The following NUDT6 variants were observed in gnomAD, a reference collection of about 807,000 sequenced individuals.
NUDT6 encodes nudix hydrolase 6, also known as FAD diphosphatase NUDT6.
NUDT6 carries 24 observed loss-of-function variants against 36.8 expected under a neutral mutation model. That is an observed-to-expected ratio of 0.65 (90% CI 0.47 to 0.92). NUDT6 has a LOEUF of 0.92. NUDT6 is among the 40% of genes least tolerant of loss of function. The pLI is 0.00. For missense variants in NUDT6, 388 were observed against 392.8 expected (o/e 0.99, Z 0.10); for synonymous variants, 163 against 157.0 (o/e 1.04, Z -0.29).
At chr4:122,902,247 T>C (rs76572136) in intron 3 of NUDT6, among the ~76,000 whole-genome samples, 1,792 of 148,624 alleles carry the variant, frequency 0.012, 39 homozygotes, top group African/African-American at 0.04. Context: ...ATGGCAAGCA[T>C]AAAGAAGTTA....
Position 122,916,979 on chromosome 4 carries a change from A to T in NUDT6, c.442+522T>A, listed in dbSNP as rs189629953. ...TGGGGAAGATTCACGGCCTGGTGGG[A>T]CAGAGCAGGATGGTGAGAGATTTCA... On this transcript the variant is annotated intron_variant, in intron 2 of 4. Transcript: ENST00000304430. Among the ~76,000 whole-genome samples the T allele has an allele frequency of 1.3e-3, 192 of 152,328 alleles. 1 individual carries two copies. The highest frequency in any genetic ancestry group is 4.5e-3 in the African/African-American group (186 of 41,566).
chr4:122,908,785 C>T (rs1453665632), intron 3 of NUDT6, among the ~76,000 whole-genome samples: 2 of 152,136 alleles, frequency 1.3e-5, no homozygotes, highest in Non-Finnish European at 2.9e-5. Context: ...CTGACTTAAT[C>T]TTACTCAAAA....
chr4:122,903,676 G>C (rs1727566341), intron 3 of NUDT6, among the ~76,000 whole-genome samples: 1 of 152,152 alleles, frequency 6.6e-6, no homozygotes, highest in Admixed American at 6.5e-5. Context: ...TCCACCATTA[G>C]ACTGCAAGGC....
chr4:122,916,892 A>T (rs1297892949), intron 2 of NUDT6, among the ~76,000 whole-genome samples: 1 of 152,200 alleles, frequency 6.6e-6, no homozygotes, highest in African/African-American at 2.4e-5. Context: ...TGATCTGATA[A>T]CAGGGAAGGC....
At chr4:122,910,215 G>T (rs1396998562) in intron 3 of NUDT6, among the ~76,000 whole-genome samples, 1 of 152,110 alleles carries the variant, frequency 6.6e-6, no homozygotes, top group Non-Finnish European at 1.5e-5. Flanking sequence ...TTCAAGTACA[G>T]ATTGCTCTGG....
At chr4:122,906,246 T>C (rs1277244152) in intron 3 of NUDT6, among the ~76,000 whole-genome samples, 1 of 152,166 alleles carries the variant, frequency 6.6e-6, no homozygotes, top group Non-Finnish European at 1.5e-5. Context: ...ATGGAGGTCT[T>C]GGGGTATTCA....
chr4:122,917,440 A>G (rs1727866690), intron 2 of NUDT6, 61 bp downstream of exon 2: 3 of 1,377,980 alleles, frequency 2.2e-6, no homozygotes, highest in Non-Finnish European at 3.1e-6. Flanking sequence ...AGCTGTAACA[A>G]GCAAGAAATT....
chr4:122,901,512 A>G (rs569179165), intron 3 of NUDT6, among the ~76,000 whole-genome samples: 1 of 152,258 alleles, frequency 6.6e-6, no homozygotes, highest in South Asian at 2.1e-4. Flanking sequence ...GGGTGGTCTC[A>G]TTTATCACTC....
intron 1 of NUDT6, 24 bp from the exon 2 acceptor site, chr4:122,917,728 A>C: frequency 6.2e-7 from 1 of 1,608,056 alleles, no homozygotes; most frequent in Non-Finnish European, 8.5e-7. Context: ...AAAAAAGTCT[A>C]AATAATTTCC....
chr4:122,895,453 A>G (rs1338051183), intron 4 of NUDT6: 2 of 152,240 alleles, frequency 1.3e-5, no homozygotes, highest in African/African-American at 4.8e-5. Flanking sequence ...GAAATAAAAT[A>G]TAATGGGAAA....
At chr4:122,903,427 T>C (rs1727562740) in intron 3 of NUDT6, among the ~76,000 whole-genome samples, 1 of 152,170 alleles carries the variant, frequency 6.6e-6, no homozygotes, top group East Asian at 1.9e-4. Context: ...AGTTTAGTGG[T>C]TCTCAAACTT....
rs768092231 is a variant in NUDT6, at chr4:122,922,425, G to T, written c.148C>A (p.Leu50Met). The change falls in exon 1 of 5, where the codon CTG becomes ATG. Residue 50 changes from leucine (L) to methionine (M), a missense_variant. By Grantham distance (15) the Leu-to-Met change is conservative. Coordinates refer to ENST00000304430, the MANE Select transcript of NUDT6 (RefSeq NM_007083.5). ...PVGACDLQGE[L>M]DRFGGISVRL... Reference sequence around the variant, plus strand: ...ACCGAGATGCCCCCGAATCTGTCCAGCTCGCCCTGCAGATCGCACGCTCCA... The same window carrying T: ...ACCGAGATGCCCCCGAATCTGTCCATCTCGCCCTGCAGATCGCACGCTCCA... 2 of 1,611,696 alleles carry T rather than the reference G, an allele frequency of 1.2e-6. No individual in the cohort carries two copies. Among genetic ancestry groups the T allele is most frequent in the South Asian group, 1.1e-5 (1 of 91,072 alleles).
chr4:122,921,976 T>A (rs936885909), intron 1 of NUDT6: 1 of 238,816 alleles, frequency 4.2e-6, no homozygotes, highest in Non-Finnish European at 8.0e-6. Flanking sequence ...GTGCACTTTA[T>A]GTGCATTATC....
intron 4 of NUDT6, chr4:122,897,298 G>C (rs1052417278): frequency 3.9e-6 from 1 of 253,518 alleles, no homozygotes; most frequent in African/African-American, 2.3e-5. Context: ...AACAATATTA[G>C]TCGTATCCAA....
Position 122,922,377 on chromosome 4 carries a change from G to T in NUDT6, c.196C>A (p.Leu66Met), listed in dbSNP as rs1728068581. 1 of 1,606,672 alleles carries T rather than the reference G, an allele frequency of 6.2e-7. No homozygotes were observed. The highest frequency in any genetic ancestry group is 2.2e-5 in the East Asian group (1 of 44,826). The change falls in exon 1 of 5, where the codon CTG (leucine) becomes ATG (methionine). Residue 66 changes from leucine to methionine, a missense_variant. Leu to Met is a conservative substitution (Grantham distance 15, BLOSUM62 2). Coordinates refer to ENST00000304430, the MANE Select transcript of NUDT6 (RefSeq NM_007083.5). ...ISVRLARLDA[L>M]DRLDAAAFQK... ...AAGGCGGCAGCGTCCAGGCGGTCCA[G>T]CGCATCGAGCCGCGCCAGGCGCACC...
At chr4:122,897,823 TC>T in intron 3 of NUDT6, 145 bp from the exon 4 acceptor site, 1 of 626,166 alleles carries the variant, frequency 1.6e-6, no homozygotes, top group South Asian at 2.0e-5. Flanking sequence ...CTAGCTTCCA[TC>T]CTTTCTCCCT....
intron 3 of NUDT6, among the ~76,000 whole-genome samples, chr4:122,911,942 C>A (rs1284137097): frequency 6.6e-6 from 1 of 152,176 alleles, no homozygotes; most frequent in Non-Finnish European, 1.5e-5. Flanking sequence ...CCACACTGAA[C>A]TTTTTACCAT....
chr4:122,913,489 T>A (rs1727770877), intron 2 of NUDT6, among the ~76,000 whole-genome samples: 1 of 152,214 alleles, frequency 6.6e-6, no homozygotes. Context: ...ACAACAGATG[T>A]GCTTACAATA....
At chr4:122,910,310 A>C (rs1332894485) in intron 3 of NUDT6, among the ~76,000 whole-genome samples, 5 of 152,216 alleles carry the variant, frequency 3.3e-5, no homozygotes, top group Admixed American at 2.0e-4. Flanking sequence ...CTCAAAAAAC[A>C]TAAAGCTGTC....
Sources: allele counts gnomAD v4.1 joint callset (sites outside exome capture counted in the v4.1 genomes callset), GRCh38; gene constraint gnomAD v4.1.1; transcripts MANE v1.5; gene names NCBI Gene and HGNC (gene_info 2026-07-23, HGNC 2026-07-21).